The following BPTF variants were observed in gnomAD, a reference collection of about 807,000 sequenced individuals.
The protein encoded by BPTF is bromodomain PHD finger transcription factor, also known as nucleosome-remodeling factor subunit BPTF.
Under a neutral mutation model 292.5 loss-of-function variants are expected in BPTF, and 18 were observed. That is an observed-to-expected ratio of 0.06 (90% CI 0.04 to 0.09). The LOEUF is 0.09. BPTF is among the 10% of genes least tolerant of loss of function. The probability of loss-of-function intolerance (pLI) is 1.00; values close to 1 mark genes in which losing one functional copy is unlikely to be tolerated. For synonymous variants in BPTF, 1,225 were observed against 1,251.9 expected (o/e 0.98, Z 0.45); for missense variants, 2,726 against 3,498.7 (o/e 0.78, Z 5.57).
At chr17:67,857,235 T>A (rs1432142028) in intron 2 of BPTF, among the ~76,000 whole-genome samples, 1 of 148,146 alleles carries the variant, frequency 6.8e-6, no homozygotes, top group Non-Finnish European at 1.5e-5. Context: ...GATCTCGGCT[T>A]ACTGCAAGCT....
chr17:67,839,758 T>G (rs1310539384), intron 1 of BPTF, among the ~76,000 whole-genome samples: 1 of 152,214 alleles, frequency 6.6e-6, no homozygotes, highest in Non-Finnish European at 1.5e-5. Context: ...CCTAAACGTT[T>G]CCATAATGGT....
chr17:67,905,312 G>A (rs1430011256), intron 9 of BPTF, among the ~76,000 whole-genome samples: 1 of 152,042 alleles, frequency 6.6e-6, no homozygotes, highest in Non-Finnish European at 1.5e-5. Context: ...GGAGGCTGAG[G>A]CAGGAGAATG....
chr17:67,979,840 A>C (rs1329201013), intron 27 of BPTF, among the ~76,000 whole-genome samples: 1 of 152,132 alleles, frequency 6.6e-6, no homozygotes, highest in Non-Finnish European at 1.5e-5. Context: ...CAGGAGTTCA[A>C]GACCAGCCTG....
At chr17:67,903,670 T>C in intron 7 of BPTF, 119 bp from the exon 8 acceptor site, 5 of 880,372 alleles carry the variant, frequency 5.7e-6, no homozygotes, top group Non-Finnish European at 1.6e-6. Flanking sequence ...CAGTTGGGGT[T>C]GTCTGGTTTG....
intron 18 of BPTF, among the ~76,000 whole-genome samples, chr17:67,935,975 TTGAA>T (rs2064880595): frequency 6.6e-6 from 1 of 152,176 alleles, no homozygotes; most frequent in South Asian, 2.1e-4. Flanking sequence ...TGCTTATAAA[TTGAA>T]TGTCTCAATG....
At chr17:67,976,953 A>G (rs1367342210) in intron 27 of BPTF, among the ~76,000 whole-genome samples, 1 of 152,148 alleles carries the variant, frequency 6.6e-6, no homozygotes, top group African/African-American at 2.4e-5. Flanking sequence ...ACCCCTACAT[A>G]CATCGCTATA....
intron 26 of BPTF, among the ~76,000 whole-genome samples, chr17:67,970,352 C>T (rs1175503009): frequency 3.3e-5 from 5 of 152,124 alleles, no homozygotes; most frequent in Non-Finnish European, 5.9e-5. Context: ...GAGCCATAAT[C>T]GCACTACTGT....
At chr17:67,875,387 C>G (rs2059992827) in intron 4 of BPTF, among the ~76,000 whole-genome samples, 1 of 152,068 alleles carries the variant, frequency 6.6e-6, no homozygotes, top group Non-Finnish European at 1.5e-5. Context: ...TTCTTAAATA[C>G]TCTCTGAATT....
At chr17:67,907,528 G>A (rs2062311907) in intron 9 of BPTF, among the ~76,000 whole-genome samples, 1 of 151,880 alleles carries the variant, frequency 6.6e-6, no homozygotes, top group Non-Finnish European at 1.5e-5. Context: ...GCTAATTTTT[G>A]TATTTTTAAT....
intron 23 of BPTF, chr17:67,955,867 A>C (rs1247124562): frequency 6.6e-6 from 1 of 151,940 alleles, no homozygotes; most frequent in African/African-American, 2.4e-5. Flanking sequence ...TTTATAGGCC[A>C]GGAGAGGTGT....
intron 1 of BPTF, among the ~76,000 whole-genome samples, chr17:67,834,127 A>C (rs1224404367): frequency 6.6e-6 from 1 of 151,958 alleles, no homozygotes; most frequent in Non-Finnish European, 1.5e-5. Flanking sequence ...CATTCCCTTT[A>C]CCGCCAGGTG....
intron 27 of BPTF, among the ~76,000 whole-genome samples, chr17:67,977,207 G>A (rs1555694441): frequency 6.6e-6 from 1 of 152,040 alleles, no homozygotes; most frequent in Non-Finnish European, 1.5e-5. Context: ...TTTCTTGGCA[G>A]GTATTTTTAA....
chr17:67,900,324 C>T (rs887460280), intron 7 of BPTF, among the ~76,000 whole-genome samples: 3 of 151,876 alleles, frequency 2.0e-5, no homozygotes, highest in African/African-American at 4.8e-5. Context: ...AGGCTGGTCT[C>T]GAACTCCTGT....
rs146758771 is a variant in BPTF, at chr17:67,854,430, C to T, written c.1104C>T (p.Val368=). 9.9e-6 allele frequency: 16 copies of T among 1,613,960 alleles called. No individual in the cohort carries two copies. Among genetic ancestry groups the T allele is most frequent in the African/African-American group, 5.3e-5 (4 of 74,888 alleles). The part of the protein sequence containing the change: ...ENKIKVLQFL[V]DQFLTTNIAR... ...AGATCAAAGTTCTACAGTTTCTAGT[C>T]GATCAGTTTCTTACAACAAATATTG... The change falls in exon 2 of 28, where the codon GTC becomes GTT. Residue 368 remains valine, a synonymous_variant. Coordinates refer to ENST00000306378, the MANE Select transcript of BPTF (RefSeq NM_182641.4). The surrounding 1 kb of genome is among the most constrained non-coding windows in gnomAD (Gnocchi z 5.6).
intron 26 of BPTF, among the ~76,000 whole-genome samples, chr17:67,973,555 G>A (rs1004075471): frequency 1.3e-5 from 2 of 151,734 alleles, no homozygotes; most frequent in African/African-American, 2.4e-5. Context: ...ACAAGCAGTG[G>A]TGAGTGCAGT....
chr17:67,861,915 C>T (rs1031268220), intron 2 of BPTF, among the ~76,000 whole-genome samples: 8 of 152,192 alleles, frequency 5.3e-5, no homozygotes, highest in Non-Finnish European at 8.8e-5. Context: ...TCCCTGAACC[C>T]CTTTTTCTCT....
chr17:67,929,368 A>G lies in BPTF; in HGVS notation c.6031A>G (p.Ile2011Val), dbSNP rs968815755. 22 of 1,614,034 alleles carry G rather than the reference A, an allele frequency of 1.4e-5. No homozygotes were observed. In the African/African-American group the frequency reaches 2.5e-4, roughly 19 times the overall value. The change falls in exon 17 of 28, where the codon ATC (isoleucine) becomes GTC (valine). Residue 2011 changes from isoleucine to valine, a missense_variant. Coordinates refer to ENST00000306378, the MANE Select transcript of BPTF (RefSeq NM_182641.4). ...TCAAGTACAGCAGAAAGTCCTGGGT[A>G]TCATTCCATCAAGTACAGGTACCAG... ...VVQVQQKVLG[I>V]IPSSTGTSQQ...
intron 1 of BPTF, among the ~76,000 whole-genome samples, chr17:67,831,103 C>T (rs1400802616): frequency 3.9e-5 from 6 of 151,976 alleles, no homozygotes; most frequent in Non-Finnish European, 7.4e-5. Context: ...AGGGATGCCA[C>T]GAAGTATAGC....
In BPTF at chr17:67,912,000, T is replaced by G. The variant is rs1568047253; in HGVS notation, c.4116T>G (p.Val1372=). Residue 1372 remains valine (V), a synonymous_variant, in exon 11 of 28, where the codon GTT becomes GTG. Coordinates refer to ENST00000306378, the MANE Select transcript of BPTF (RefSeq NM_182641.4). ...SQQKKLEERP[V]NKCSDQIKLK... ...AGAAGAAATTAGAGGAGAGACCAGTTAATAAATGTAGTGATCAAATAAAGC... is the reference window on the plus strand; with the variant it reads ...AGAAGAAATTAGAGGAGAGACCAGTGAATAAATGTAGTGATCAAATAAAGC... The G allele has an allele frequency of 6.2e-7, 1 of 1,613,900 alleles. No homozygotes were observed.
Sources: allele counts gnomAD v4.1 joint callset (sites outside exome capture counted in the v4.1 genomes callset), GRCh38; gene constraint gnomAD v4.1.1; non-coding constraint Gnocchi (gnomAD v3.1); transcripts MANE v1.5; gene names NCBI Gene and HGNC (gene_info 2026-07-23, HGNC 2026-07-21).